KDM4C: variants seen among roughly 807,000 people sequenced by gnomAD.
The protein encoded by KDM4C is lysine-specific demethylase 4C.
In KDM4C, 81 loss-of-function variants were observed where a neutral mutation model predicts 129.3. The observed-to-expected ratio is 0.63, with a 90% CI of 0.52 to 0.75. The LOEUF (loss-of-function observed/expected upper bound fraction) is 0.75. KDM4C is among the 30% of genes least tolerant of loss of function. The probability of loss-of-function intolerance (pLI) is 0.00; values close to 1 mark genes in which losing one functional copy is unlikely to be tolerated. For synonymous variants in KDM4C, 573 were observed against 456.1 expected (o/e 1.26, Z -3.26); for missense variants, 1,457 against 1,304.0 (o/e 1.12, Z -1.81).
intron 4 of KDM4C, among the ~76,000 whole-genome samples, chr9:6,841,467 CTT>C (rs1295420770): frequency 6.6e-6 from 1 of 152,156 alleles, no homozygotes; most frequent in Non-Finnish European, 1.5e-5. Flanking sequence ...TTCATATAGA[CTT>C]TTCCTCTTCT....
At chr9:6,768,117 T>C (rs767557090) in intron 1 of KDM4C, among the ~76,000 whole-genome samples, 5 of 152,142 alleles carry the variant, frequency 3.3e-5, no homozygotes, top group Non-Finnish European at 7.4e-5. Flanking sequence ...ATATGAACTT[T>C]TTCAGTCGAC....
At chr9:7,164,164 C>G (rs1400625061) in intron 19 of KDM4C, among the ~76,000 whole-genome samples, 2 of 152,048 alleles carry the variant, frequency 1.3e-5, no homozygotes, top group Non-Finnish European at 2.9e-5. Context: ...CAGTAAAATA[C>G]CAGTATTAGC....
chr9:6,757,679 G>A (rs762199619), upstream of KDM4C: 45 of 985,502 alleles, frequency 4.6e-5, no homozygotes, highest in Middle Eastern at 1.0e-3. Context: ...GACGTGTGGC[G>A]CGTGGACTAC....
chr9:6,745,305 G>C (rs1817838009), intron 1 of KDM4C, among the ~76,000 whole-genome samples: 1 of 151,968 alleles, frequency 6.6e-6, no homozygotes, highest in Non-Finnish European at 1.5e-5. Context: ...TTTTAAAACT[G>C]AGAAAAATTT....
At chr9:7,111,642 C>G (rs1033795092) in intron 18 of KDM4C, among the ~76,000 whole-genome samples, 6 of 152,042 alleles carry the variant, frequency 3.9e-5, no homozygotes, top group African/African-American at 1.2e-4. Context: ...CCTCAAAGGC[C>G]TGGTATATCT....
At chr9:6,794,159 C>T (rs918308838) in intron 2 of KDM4C, among the ~76,000 whole-genome samples, 7 of 152,164 alleles carry the variant, frequency 4.6e-5, no homozygotes, top group Admixed American at 4.6e-4. Context: ...TGCTATGTGC[C>T]AGACACTATG....
chr9:7,141,986 C>T (rs559699131), intron 19 of KDM4C, among the ~76,000 whole-genome samples: 1 of 152,208 alleles, frequency 6.6e-6, no homozygotes, highest in East Asian at 1.9e-4. Context: ...ATAAAATAGT[C>T]ATTTTGCCCA....
At chr9:6,765,756 A>C (rs1157663957) in intron 1 of KDM4C, among the ~76,000 whole-genome samples, 1 of 152,228 alleles carries the variant, frequency 6.6e-6, no homozygotes, top group African/African-American at 2.4e-5. Flanking sequence ...AAGTTTCACA[A>C]AACTTTATCA....
At chr9:7,007,273 A>G (rs551464457) in intron 12 of KDM4C, among the ~76,000 whole-genome samples, 7 of 152,336 alleles carry the variant, frequency 4.6e-5, no homozygotes, top group South Asian at 2.1e-4. Context: ...TCTTGACTGC[A>G]TGTTACTTGC....
intron 17 of KDM4C, among the ~76,000 whole-genome samples, chr9:7,096,753 A>AG (rs111797192): frequency 0.05 from 7,651 of 152,140 alleles, 585 homozygotes; most frequent in African/African-American, 0.17. Flanking sequence ...AGGCATTTCC[A>AG]CTAAAGATCA....
chr9:7,146,746 AG>A (rs144463959), intron 19 of KDM4C, among the ~76,000 whole-genome samples: 54 of 152,332 alleles, frequency 3.5e-4, no homozygotes, highest in African/African-American at 1.2e-3. Context: ...CTGTGGCCTC[AG>A]GCGAGTCACT....
intron 9 of KDM4C, among the ~76,000 whole-genome samples, chr9:6,983,165 A>T (rs2131832019): frequency 6.6e-6 from 1 of 152,312 alleles, no homozygotes. Context: ...AAGCTAATTT[A>T]TATAGGTTAT....
intron 8 of KDM4C, among the ~76,000 whole-genome samples, chr9:6,970,917 T>A (rs1831871798): frequency 6.7e-6 from 1 of 149,434 alleles, no homozygotes; most frequent in African/African-American, 2.5e-5. Flanking sequence ...CATCATTCCC[T>A]CGGCTCTACC....
chr9:6,995,053 G>C (rs950714548), intron 12 of KDM4C, among the ~76,000 whole-genome samples: 73 of 124,292 alleles, frequency 5.9e-4, no homozygotes, highest in South Asian at 2.1e-3. Flanking sequence ...GGTCCTGAGA[G>C]TGGTTTTTTT....
At chr9:6,909,827 G>T (rs1486055917) in intron 8 of KDM4C, among the ~76,000 whole-genome samples, 2 of 152,142 alleles carry the variant, frequency 1.3e-5, no homozygotes, top group African/African-American at 2.4e-5. Flanking sequence ...TATATTAGAA[G>T]AAAATATAGG....
intron 21 of KDM4C, among the ~76,000 whole-genome samples, chr9:7,172,079 AT>A (rs1359187036): frequency 6.6e-6 from 1 of 151,086 alleles, no homozygotes; most frequent in African/African-American, 2.5e-5. Context: ...GATTATTACT[AT>A]TTTTTTTCCA....
intron 17 of KDM4C, among the ~76,000 whole-genome samples, chr9:7,057,125 A>G (rs1203020538): frequency 6.6e-6 from 1 of 152,220 alleles, no homozygotes; most frequent in Non-Finnish European, 1.5e-5. Context: ...TTCATATTTT[A>G]ATATAAATTA....
intron 19 of KDM4C, among the ~76,000 whole-genome samples, chr9:7,164,869 G>T (rs1372582254): frequency 6.6e-6 from 1 of 152,182 alleles, no homozygotes; most frequent in African/African-American, 2.4e-5. Flanking sequence ...GAAGCATTTT[G>T]TTAACTGCAA....
chr9:7,172,326 G>A (rs574635481), intron 21 of KDM4C, among the ~76,000 whole-genome samples: 68 of 152,188 alleles, frequency 4.5e-4, no homozygotes, highest in Non-Finnish European at 8.2e-4. Flanking sequence ...AAGCAGCCCC[G>A]TTACCTTTTA....
Sources: allele counts gnomAD v4.1 joint callset (sites outside exome capture counted in the v4.1 genomes callset), GRCh38; gene constraint gnomAD v4.1.1; transcripts MANE v1.5; gene names NCBI Gene and HGNC (gene_info 2026-07-23, HGNC 2026-07-21).